CHD9: variants seen among roughly 807,000 people sequenced by gnomAD.
CHD9 encodes ATP-dependent chromatin remodeler CHD9.
Under a neutral mutation model 316.1 loss-of-function variants are expected in CHD9, and 77 were observed. The observed-to-expected ratio is 0.24, with a 90% CI of 0.20 to 0.29. The LOEUF (loss-of-function observed/expected upper bound fraction) is 0.29, where lower values mean the gene tolerates loss of function less well. Among genes scored for constraint, CHD9 ranks in the 10% least tolerant of loss-of-function variants. The pLI is 1.00. For synonymous variants in CHD9, 1,129 were observed against 1,158.3 expected (o/e 0.97, Z 0.51); for missense variants, 2,763 against 3,438.1 (o/e 0.80, Z 4.91).
At chr16:53,081,996 TGA>T (rs1321503796) in intron 1 of CHD9, among the ~76,000 whole-genome samples, 1 of 151,896 alleles carries the variant, frequency 6.6e-6, no homozygotes, top group Non-Finnish European at 1.5e-5. Context: ...TGTGTGTGTG[TGA>T]GAGAGAGAGA....
chr16:53,326,477 G>A lies in CHD9; in HGVS notation c.*1582G>A, dbSNP rs1222799473. The stretch of plus-strand genomic sequence containing the variant: ...TCCAAGACCTTTACCAGTAAATTAT[G>A]TTTCTGTATGTAAAATAACCCCTTA... On this transcript the variant is annotated 3_prime_UTR_variant, in exon 39 of 39. Transcript: ENST00000447540. 1 of 152,398 alleles carries A rather than the reference G, an allele frequency of 6.6e-6. No individual in the cohort carries two copies. The highest frequency in any genetic ancestry group is 2.4e-5 in the African/African-American group (1 of 41,420). The allele number at this position is 152,398 out of a possible 1,614,324, so 9.4% of individuals were successfully genotyped here. A position where few individuals can be genotyped will look rare whatever the true frequency, so the allele number is the denominator to read the frequency against.
intron 20 of CHD9, among the ~76,000 whole-genome samples, chr16:53,264,225 T>G (rs2051423102): frequency 6.6e-6 from 1 of 152,144 alleles, no homozygotes; most frequent in African/African-American, 2.4e-5. Context: ...CAATTTTTTC[T>G]TATAACTAGA....
intron 30 of CHD9, among the ~76,000 whole-genome samples, chr16:53,301,767 CTTTTTTTTT>C (rs199846098): frequency 7.9e-6 from 1 of 126,230 alleles, no homozygotes; most frequent in Admixed American, 8.1e-5. Context: ...TCTTTTTTTT[CTTTTTTTTT>C]TTTTTTTGAG....
intron 24 of CHD9, 54 bp downstream of exon 24, chr16:53,274,356 C>A: frequency 9.0e-7 from 1 of 1,115,946 alleles, no homozygotes; most frequent in Non-Finnish European, 1.3e-6. Context: ...GCCCAGGCAG[C>A]TTCAAGCTCC....
At chr16:53,195,042 T>C (rs181363563) in intron 2 of CHD9, among the ~76,000 whole-genome samples, 8 of 152,336 alleles carry the variant, frequency 5.3e-5, no homozygotes, top group Admixed American at 3.3e-4. Flanking sequence ...CAGTTTGAGT[T>C]ATAATCTTTT....
intron 1 of CHD9, among the ~76,000 whole-genome samples, chr16:53,130,501 G>C (rs982051504): frequency 2.7e-5 from 4 of 149,696 alleles, no homozygotes; most frequent in Non-Finnish European, 6.0e-5. Flanking sequence ...GGCGCGAGGG[G>C]AGAGGCCGCC....
At chr16:53,125,142 G>T (rs143658446) in intron 1 of CHD9, among the ~76,000 whole-genome samples, 1 of 151,308 alleles carries the variant, frequency 6.6e-6, no homozygotes, top group Non-Finnish European at 1.5e-5. Context: ...TTAGTTGTAA[G>T]TGCTCTTTAT....
intron 2 of CHD9, among the ~76,000 whole-genome samples, chr16:53,175,801 C>T (rs2043060708): frequency 6.6e-6 from 1 of 152,162 alleles, no homozygotes; most frequent in Non-Finnish European, 1.5e-5. Flanking sequence ...CATATATTTT[C>T]TCATTTAATC....
intron 17 of CHD9, 104 bp from the exon 18 acceptor site, chr16:53,254,334 A>C: frequency 1.3e-6 from 1 of 750,220 alleles, no homozygotes; most frequent in Non-Finnish European, 2.0e-6. Flanking sequence ...AATTCAATAA[A>C]AATGGTCTAA....
chr16:53,254,876 A>G (rs2050446790), intron 18 of CHD9, among the ~76,000 whole-genome samples: 1 of 152,232 alleles, frequency 6.6e-6, no homozygotes, highest in Admixed American at 6.5e-5. Context: ...GCATAGCAAA[A>G]TAGAATTTGT....
chr16:53,303,673 T>C, intron 30 of CHD9, 47 bp from the exon 31 acceptor site: 1 of 1,315,636 alleles, frequency 7.6e-7, no homozygotes, highest in Non-Finnish European at 1.0e-6. Flanking sequence ...TATTTATAAA[T>C]AAAGGATTTT....
At chr16:53,311,482 A>T (rs982238776) in intron 34 of CHD9, 1 of 152,212 alleles carries the variant, frequency 6.6e-6, no homozygotes, top group African/African-American at 2.4e-5. Flanking sequence ...ATGGGATGCC[A>T]AACAGATGTT....
chr16:53,292,391 T>C (rs1293303532), intron 28 of CHD9, among the ~76,000 whole-genome samples: 1 of 152,234 alleles, frequency 6.6e-6, no homozygotes, highest in African/African-American at 2.4e-5. Flanking sequence ...AGTTACATCA[T>C]TGTCATCTTG....
chr16:53,059,606 G>GC (rs2032600465), intron 1 of CHD9, among the ~76,000 whole-genome samples: 1 of 152,190 alleles, frequency 6.6e-6, no homozygotes, highest in East Asian at 1.9e-4. Flanking sequence ...GATTCAAACT[G>GC]CCCCCAAATA....
chr16:53,205,132 C>T (rs572549267), intron 2 of CHD9, among the ~76,000 whole-genome samples: 10 of 152,280 alleles, frequency 6.6e-5, no homozygotes, highest in South Asian at 2.1e-4. Flanking sequence ...TGAGCCACCG[C>T]GCCCGACCTA....
At chr16:53,172,210 A>G (rs980946395) in intron 2 of CHD9, among the ~76,000 whole-genome samples, 1 of 152,090 alleles carries the variant, frequency 6.6e-6, no homozygotes, top group Non-Finnish European at 1.5e-5. Context: ...TCCTTCGCGC[A>G]CCCAGACAAC....
intron 1 of CHD9, chr16:53,121,489 A>T (rs183117191): frequency 2.2e-6 from 1 of 453,876 alleles, no homozygotes; most frequent in Non-Finnish European, 4.4e-6. Flanking sequence ...GTAAAGTAGG[A>T]TCATGCTTTG....
chr16:53,264,587 G>A (rs2051471596), intron 20 of CHD9, among the ~76,000 whole-genome samples: 1 of 152,104 alleles, frequency 6.6e-6, no homozygotes, highest in South Asian at 2.1e-4. Flanking sequence ...ACATCCTGGT[G>A]GGTAAGAAAG....
At chr16:53,205,646 T>A (rs2045839863) in intron 2 of CHD9, among the ~76,000 whole-genome samples, 2 of 152,222 alleles carry the variant, frequency 1.3e-5, no homozygotes, top group Admixed American at 6.5e-5. Context: ...CATAGATTTA[T>A]TAAGGTTTAT....
Sources: gnomAD v4.1 joint callset for allele counts (sites outside exome capture counted in the v4.1 genomes callset) on GRCh38, gnomAD v4.1.1 for gene constraint, MANE v1.5 for transcripts, NCBI Gene and HGNC (gene_info 2026-07-23, HGNC 2026-07-21) for gene names.